ADGRL3: variants seen among roughly 807,000 people sequenced by gnomAD.
The protein encoded by ADGRL3 is calcium-independent alpha-latrotoxin receptor 3.
ADGRL3 carries 62 observed loss-of-function variants against 153.5 expected under a neutral mutation model. The ratio of observed to expected loss-of-function variants is 0.40; its 90% CI spans 0.33 to 0.50. The LOEUF is 0.50. ADGRL3 is among the 20% of genes least tolerant of loss of function. ADGRL3 has a pLI of 0.47. For missense variants in ADGRL3, 1,641 were observed against 1,859.4 expected (o/e 0.88, Z 2.16); for synonymous variants, 710 against 672.5 (o/e 1.06, Z -0.86).
rs1746684024 is a variant in ADGRL3, at chr4:62,074,950, AC to A, written c.*4047del. 1 of 152,020 alleles carries A rather than the reference AC, an allele frequency of 6.6e-6. No homozygotes were observed. The highest frequency in any genetic ancestry group is 1.5e-5 in the Non-Finnish European group (1 of 67,974). 9.4% of individuals were successfully genotyped at this position (152,020 alleles called of 1,614,324 possible). ...TAGGCATTGTCTTCAGCTTCCCTGG[AC>A]CCCCAACACATGTTGAAATGTTATT... On this transcript the variant is annotated 3_prime_UTR_variant, in exon 27 of 27. Coordinates refer to ENST00000683033, the MANE Select transcript of ADGRL3 (RefSeq NM_001387552.1).
chr4:62,048,541 A>C (rs1732387384), intron 25 of ADGRL3, among the ~76,000 whole-genome samples: 1 of 151,876 alleles, frequency 6.6e-6, no homozygotes, highest in Non-Finnish European at 1.5e-5. Context: ...GATTACAGGC[A>C]TGAGCCACCA....
chr4:61,701,151 A>G (rs1394912075), intron 6 of ADGRL3, among the ~76,000 whole-genome samples: 1 of 152,178 alleles, frequency 6.6e-6, no homozygotes, highest in Non-Finnish European at 1.5e-5. Flanking sequence ...TAAAATCTAG[A>G]GGACTGGAGA....
At chr4:61,460,477 A>C (rs1219992777) in intron 2 of ADGRL3, among the ~76,000 whole-genome samples, 2 of 151,538 alleles carry the variant, frequency 1.3e-5, no homozygotes, top group Non-Finnish European at 2.9e-5. Flanking sequence ...TTTCACTGAC[A>C]TGTGGAAAGG....
intron 6 of ADGRL3, among the ~76,000 whole-genome samples, chr4:61,693,098 A>T (rs1286052865): frequency 6.6e-6 from 1 of 152,156 alleles, no homozygotes; most frequent in Non-Finnish European, 1.5e-5. Context: ...AGATAAGAAT[A>T]GGTTTTTTTA....
intron 1 of ADGRL3, among the ~76,000 whole-genome samples, chr4:61,304,613 G>T (rs1294466572): frequency 6.6e-6 from 1 of 152,000 alleles, no homozygotes; most frequent in Non-Finnish European, 1.5e-5. Context: ...CATTTTAGGA[G>T]AAATTGATTG....
intron 9 of ADGRL3, among the ~76,000 whole-genome samples, chr4:61,832,662 G>A (rs1227476700): frequency 6.6e-6 from 1 of 152,078 alleles, no homozygotes; most frequent in Non-Finnish European, 1.5e-5. Flanking sequence ...CATCTGATAT[G>A]TATTTTTCTA....
intron 2 of ADGRL3, among the ~76,000 whole-genome samples, chr4:61,448,313 GAA>G (rs2097613008): frequency 6.6e-6 from 1 of 152,206 alleles, no homozygotes; most frequent in African/African-American, 2.4e-5. Context: ...AAATAACCAG[GAA>G]GGAGGAGTGG....
intron 7 of ADGRL3, among the ~76,000 whole-genome samples, 184 bp from the exon 8 acceptor site, chr4:61,732,570 A>G (rs2096459822): frequency 6.6e-6 from 1 of 152,140 alleles, no homozygotes; most frequent in African/African-American, 2.4e-5. Context: ...CAAAATCAAA[A>G]TGATTTTGAA....
At position 61,392,684 on chromosome 4, in the gene ADGRL3, C is replaced by CAAAAAAAAAAAAAAA. The variant is rs397993633; in HGVS notation, c.-174+9503_-174+9517dup. 1.3e-3 allele frequency among the ~76,000 whole-genome samples: 17 copies of CAAAAAAAAAAAAAAA among 13,372 alleles called. 2 individuals are homozygous for CAAAAAAAAAAAAAAA. The highest frequency in any genetic ancestry group is 1.7e-3 in the Non-Finnish European group (10 of 5,756). 8.8% of individuals were successfully genotyped at this position (13,372 alleles called of 152,430 possible). A position where few individuals can be genotyped will look rare whatever the true frequency, so the allele number is the denominator to read the frequency against. ...CTGGTGACAGAGCGAGACTCCATCT[C>CAAAAAAAAAAAAAAA]AAAAAAAAAAAAAAAAAAAAAAGAA... is the stretch of plus-strand genomic sequence containing the variant. On this transcript the variant is annotated intron_variant, in intron 2 of 26. Coordinates refer to ENST00000683033, the MANE Select transcript of ADGRL3 (RefSeq NM_001387552.1).
intron 17 of ADGRL3, among the ~76,000 whole-genome samples, chr4:61,956,489 C>A (rs2098967158): frequency 6.6e-6 from 1 of 152,104 alleles, no homozygotes; most frequent in Non-Finnish European, 1.5e-5. Flanking sequence ...TGTAGGTCAC[C>A]TGTTCACACT....
intron 6 of ADGRL3, among the ~76,000 whole-genome samples, chr4:61,724,156 T>A (rs923966665): frequency 2.0e-5 from 3 of 152,218 alleles, no homozygotes; most frequent in African/African-American, 7.2e-5. Context: ...CTACTTTAAA[T>A]GTCATGTGGT....
chr4:61,384,537 T>C (rs1009146300), intron 2 of ADGRL3, among the ~76,000 whole-genome samples: 2 of 151,802 alleles, frequency 1.3e-5, no homozygotes, highest in Non-Finnish European at 1.5e-5. Context: ...GCAAGTTAAA[T>C]TCCTCAAATC....
chr4:61,551,392 T>C (rs1201227256), intron 4 of ADGRL3, among the ~76,000 whole-genome samples: 1 of 152,150 alleles, frequency 6.6e-6, no homozygotes, highest in African/African-American at 2.4e-5. Context: ...TAAAAAGTCA[T>C]GACACTGTGG....
At chr4:61,239,092 T>A (rs1384953189) in intron 1 of ADGRL3, among the ~76,000 whole-genome samples, 1 of 152,154 alleles carries the variant, frequency 6.6e-6, no homozygotes. Flanking sequence ...TATAGATAGA[T>A]TGGTTGTCCT....
chr4:61,543,730 CGTTTTTAACCATGCATAAA>C (rs1213466223), intron 4 of ADGRL3, among the ~76,000 whole-genome samples: 10 of 152,148 alleles, frequency 6.6e-5, no homozygotes, highest in Non-Finnish European at 1.5e-4. Flanking sequence ...AAATGCTTCA[CGTTTTTAACCATGCATAAA>C]TGCATAGGTG....
intron 19 of ADGRL3, among the ~76,000 whole-genome samples, chr4:61,986,867 C>T (rs1281506612): frequency 6.6e-6 from 1 of 152,080 alleles, no homozygotes; most frequent in Non-Finnish European, 1.5e-5. Flanking sequence ...AACATCTATA[C>T]AGTGCTGTTT....
intron 2 of ADGRL3, among the ~76,000 whole-genome samples, chr4:61,443,175 G>A (rs1474527152): frequency 1.3e-5 from 2 of 152,002 alleles, no homozygotes; most frequent in Non-Finnish European, 2.9e-5. Flanking sequence ...CTTGTTTTAT[G>A]CAACATAGTC....
At chr4:61,766,767 CAAAG>C (rs2096986746) in intron 8 of ADGRL3, among the ~76,000 whole-genome samples, 1 of 150,102 alleles carries the variant, frequency 6.7e-6, no homozygotes, top group Non-Finnish European at 1.5e-5. Context: ...AAAGGAATAG[CAAAG>C]AAAGCATGTT....
intron 1 of ADGRL3, among the ~76,000 whole-genome samples, chr4:61,292,779 C>CT (rs1199973284): frequency 6.6e-6 from 1 of 151,366 alleles, no homozygotes; most frequent in Non-Finnish European, 1.5e-5. Flanking sequence ...ATCTTAGATG[C>CT]TTTTTATGTT....
Sources: allele counts gnomAD v4.1 joint callset (sites outside exome capture counted in the v4.1 genomes callset), GRCh38; gene constraint gnomAD v4.1.1; transcripts MANE v1.5; gene names NCBI Gene and HGNC (gene_info 2026-07-23, HGNC 2026-07-21).